STT3A: variants seen among roughly 807,000 people sequenced by gnomAD.
STT3A encodes the protein STT3 oligosaccharyltransferase complex catalytic subunit A.
In STT3A, 34 loss-of-function variants were observed where a neutral mutation model predicts 89.2. The ratio of observed to expected loss-of-function variants is 0.38; its 90% CI spans 0.29 to 0.51. STT3A has a LOEUF of 0.51. Among genes scored for constraint, STT3A ranks in the 20% least tolerant of loss-of-function variants. The probability of loss-of-function intolerance (pLI) is 0.89; values close to 1 mark genes in which losing one functional copy is unlikely to be tolerated. For synonymous variants in STT3A, 282 were observed against 310.3 expected (o/e 0.91, Z 0.96); for missense variants, 555 against 889.5 (o/e 0.62, Z 4.78).
chr11:125,591,814 A>G (rs548181), upstream of STT3A: 126,882 of 152,326 alleles, frequency 0.83, 53,295 homozygotes, highest in South Asian at 0.94. Context: ...AAGAGCTGCG[A>G]GACGTTCCCA....
intron 3 of STT3A, among the ~76,000 whole-genome samples, chr11:125,601,025 G>A (rs1007309393): frequency 5.9e-5 from 9 of 152,150 alleles, no homozygotes; most frequent in African/African-American, 1.7e-4. Context: ...GGGCTTAAGC[G>A]ATCCTCTTGC....
At chr11:125,592,546 G>C (rs1005571040), upstream of STT3A, 1 of 451,552 alleles carries the variant, frequency 2.2e-6, no homozygotes, top group Non-Finnish European at 4.4e-6. Context: ...TTCCCACTGC[G>C]ACTCCCCGTG....
At position 125,605,672 on chromosome 11, in the gene STT3A, C is replaced by G. The variant is rs773675482; in HGVS notation, c.552C>G (p.Ile184Met). The G allele has an allele frequency of 6.2e-7, 1 of 1,614,082 alleles. No individual in the cohort carries two copies. The highest frequency in any genetic ancestry group is 8.5e-7 in the Non-Finnish European group (1 of 1,179,990). ...TGCTACTCACCTACTACATGTGGAT[C>G]AAGGCAGTAAAGACTGGTTCCATCT... ...FCMLLTYYMW[I>M]KAVKTGSICW... is the part of the protein sequence containing the mutation. Residue 184 changes from isoleucine to methionine, a missense_variant, in exon 7 of 18, where the codon ATC becomes ATG. Transcript: ENST00000392708.
chr11:125,608,919 G>A (rs76129911), intron 9 of STT3A, among the ~76,000 whole-genome samples: 17,005 of 151,708 alleles, frequency 0.11, 1,440 homozygotes, highest in African/African-American at 0.24. Flanking sequence ...CTATTGATTG[G>A]GTGGGAGAAG....
intron 8 of STT3A, among the ~76,000 whole-genome samples, chr11:125,606,766 GTCT>G (rs1939853086): frequency 6.6e-6 from 1 of 152,136 alleles, no homozygotes. Context: ...AAAATTTCCA[GTCT>G]TCTTAATGCA....
At chr11:125,612,335 T>C (rs1273632363) in intron 11 of STT3A, among the ~76,000 whole-genome samples, 5 of 152,230 alleles carry the variant, frequency 3.3e-5, no homozygotes, top group African/African-American at 1.2e-4. Flanking sequence ...CATATTTTTT[T>C]GGTCTCAAAC....
Position 125,614,076 on chromosome 11 carries a change from T to C in STT3A, c.1555-11T>C. 3 of 1,611,552 alleles carry C rather than the reference T, an allele frequency of 1.9e-6. No homozygotes were observed. Among genetic ancestry groups the C allele is most frequent in the Non-Finnish European group, 2.5e-6 (3 of 1,177,860 alleles). On this transcript the variant is annotated splice_polypyrimidine_tract_variant and intron_variant, in intron 13 of 17. Coordinates refer to ENST00000392708, the MANE Select transcript of STT3A (RefSeq NM_152713.5). This position sits in a 1 kb window ranked among gnomAD's most constrained non-coding sequence, Gnocchi z 4.9. ...GAAGCTTGTTATTTCCATTTCCCAT[T>C]CTACTTTCAGGATGCGAAGGTCATG...
Position 125,622,043 on chromosome 11 carries a change from A to G in STT3A, c.*1233A>G, listed in dbSNP as rs1468216753. 2 of 152,246 alleles carry G rather than the reference A, an allele frequency of 1.3e-5. No individual in the cohort carries two copies. The highest frequency in any genetic ancestry group is 2.9e-5 in the Non-Finnish European group (2 of 68,060). The allele number at this position is 152,246 out of a possible 1,614,324, so 9.4% of individuals were successfully genotyped here. A position where few individuals can be genotyped will look rare whatever the true frequency, so the allele number is the denominator to read the frequency against. ...GTGAAATCTTGTCTAAACAAAAACA[A>G]TTTAACTGGGAAGCACAGTGGTCCT... is the stretch of plus-strand genomic sequence containing the variant. On this transcript the variant is annotated 3_prime_UTR_variant, in exon 18 of 18. Coordinates refer to ENST00000392708, the MANE Select transcript of STT3A (RefSeq NM_152713.5).
In STT3A at chr11:125,612,547, T is replaced by C. The variant is rs542054664; in HGVS notation, c.1210-45T>C. On this transcript the variant is annotated intron_variant, in intron 11 of 17. Transcript: ENST00000392708. Reference sequence around the variant, plus strand: ...CTACTAATAGGCTGAAATCTGTAAATTGTGGAACACTGATTAGACTGATCA... The same window carrying C: ...CTACTAATAGGCTGAAATCTGTAAACTGTGGAACACTGATTAGACTGATCA... The C allele has an allele frequency of 1.1e-5, 17 of 1,565,322 alleles. No homozygotes were observed. In the Admixed American group the frequency reaches 2.5e-4, roughly 23 times the overall value.
chr11:125,606,221 A>T, intron 7 of STT3A, 80 bp from the exon 8 acceptor site: 1 of 1,305,646 alleles, frequency 7.7e-7, no homozygotes, highest in South Asian at 1.4e-5. Context: ...TTAAAGAGTC[A>T]CAGGTGATAT....
chr11:125,602,888 G>A lies in STT3A; in HGVS notation c.357G>A (p.Leu119=), dbSNP rs772518822. The A allele has an allele frequency of 7.4e-6, 12 of 1,614,012 alleles. No homozygotes were observed. Among genetic ancestry groups the A allele is most frequent in the Non-Finnish European group, 1.0e-5 (12 of 1,180,024 alleles). The part of the protein sequence containing the change: ...TIDIRNVCVF[L]APLFSSFTTI... ...ACATTCGGAATGTCTGTGTGTTCCT[G>A]GCCCCTCTCTTCTCCTCCTTCACCA... Residue 119 remains leucine (L), a synonymous_variant, in exon 5 of 18, where the codon CTG becomes CTA. Coordinates refer to ENST00000392708, the MANE Select transcript of STT3A (RefSeq NM_152713.5).
At chr11:125,600,822 T>C (rs1474206015) in intron 3 of STT3A, among the ~76,000 whole-genome samples, 1 of 152,246 alleles carries the variant, frequency 6.6e-6, no homozygotes, top group Non-Finnish European at 1.5e-5. Flanking sequence ...GGTCTTGCTC[T>C]GTTGCCCAGT....
At chr11:125,620,681 TCCTGCCCA>T in intron 17 of STT3A, 83 bp from the exon 18 acceptor site, 1 of 1,243,988 alleles carries the variant, frequency 8.0e-7, no homozygotes, top group Non-Finnish European at 1.2e-6. Flanking sequence ...CCCAACATAA[TCCTGCCCA>T]CTCTGGGTGA....
intron 15 of STT3A, 72 bp from the exon 16 acceptor site, chr11:125,618,301 T>C: frequency 7.1e-7 from 1 of 1,410,358 alleles, no homozygotes. Flanking sequence ...AGGAATTTTC[T>C]TAGAAATACT....
intron 7 of STT3A, 22 bp from the exon 8 acceptor site, chr11:125,606,277 CTG>C (rs1168135603): frequency 1.3e-5 from 21 of 1,607,116 alleles, no homozygotes; most frequent in Non-Finnish European, 1.8e-5. Context: ...CTCAGAGGAA[CTG>C]TTTTTTTCTA....
chr11:125,603,143 G>A (rs1229545659), intron 5 of STT3A, among the ~76,000 whole-genome samples, 195 bp downstream of exon 5: 1 of 152,060 alleles, frequency 6.6e-6, no homozygotes, highest in Non-Finnish European at 1.5e-5. Flanking sequence ...GCAACTGTTT[G>A]TCCTTATGAG....
chr11:125,595,802 T>C lies in STT3A; in HGVS notation c.-35-79T>C, dbSNP rs1939475669. The C allele has an allele frequency of 1.2e-5, 9 of 737,378 alleles. No homozygotes were observed. The East Asian group carries it at 2.3e-4, about 19-fold the overall frequency. The allele number at this position is 737,378 out of a possible 1,614,324, so 45.7% of individuals were successfully genotyped here. On this transcript the variant is annotated intron_variant, in intron 1 of 17. Coordinates refer to ENST00000392708, the MANE Select transcript of STT3A (RefSeq NM_152713.5). ...TTGCTAGCTCCTACGTCCTTTATGA[T>C]TCCCTCTCATCATAAAATATGAAAA...
At chr11:125,608,894 C>CTT (rs112492159) in intron 9 of STT3A, among the ~76,000 whole-genome samples, 37 of 151,332 alleles carry the variant, frequency 2.4e-4, no homozygotes, top group African/African-American at 8.5e-4. Context: ...CTTTTTCTTT[C>CTT]TTTTTTTTTC....
At chr11:125,592,471 A>C (rs565893263), upstream of STT3A, 90 of 456,182 alleles carry the variant, frequency 2.0e-4, no homozygotes, top group African/African-American at 1.7e-3. Flanking sequence ...TGGGACTTGG[A>C]GCAAGGGCCT....
Sources: gnomAD v4.1 joint callset for allele counts (sites outside exome capture counted in the v4.1 genomes callset) on GRCh38, gnomAD v4.1.1 for gene constraint, Gnocchi (gnomAD v3.1) non-coding constraint, MANE v1.5 for transcripts, NCBI Gene and HGNC (gene_info 2026-07-23, HGNC 2026-07-21) for gene names.